The following MLC1 variants were observed in gnomAD, a reference collection of about 807,000 sequenced individuals.
MLC1 encodes the protein membrane protein MLC1.
Under a neutral mutation model 44.7 loss-of-function variants are expected in MLC1, and 32 were observed. The observed-to-expected ratio is 0.72, with a 90% CI of 0.54 to 0.96. MLC1 has a LOEUF of 0.96. Among genes scored for constraint, MLC1 ranks in the 40% least tolerant of loss-of-function variants. MLC1 has a pLI of 0.00. For synonymous variants in MLC1, 190 were observed against 213.0 expected, an observed-to-expected ratio of 0.89 and a Z score of 0.94; for missense variants, 459 against 492.2, an observed-to-expected ratio of 0.93 and a Z score of 0.64.
intron 5 of MLC1, among the ~76,000 whole-genome samples, chr22:50,077,903 C>T (rs919626672): frequency 6.6e-6 from 1 of 152,088 alleles, no homozygotes; most frequent in African/African-American, 2.4e-5. Context: ...ACTGCAGGCC[C>T]TGACCGTATT....
At chr22:50,085,057 C>A (rs2062248036) in intron 1 of MLC1, 96 bp from the exon 2 acceptor site, 3 of 1,459,084 alleles carry the variant, frequency 2.1e-6, no homozygotes, top group Non-Finnish European at 2.7e-6. Context: ...ATTGTTCATA[C>A]TGAAGTGCTC....
intron 9 of MLC1, among the ~76,000 whole-genome samples, chr22:50,070,223 C>T (rs111498796): frequency 6.6e-6 from 1 of 152,086 alleles, no homozygotes; most frequent in African/African-American, 2.4e-5. Context: ...AAAAAACAAT[C>T]GACCAGCCTT....
chr22:50,078,173 G>A (rs2062029702), intron 5 of MLC1, among the ~76,000 whole-genome samples: 11 of 151,882 alleles, frequency 7.2e-5, no homozygotes, highest in Admixed American at 7.2e-4. Flanking sequence ...TGTATTTTTA[G>A]TAGAGAGGGG....
chr22:50,064,570 C>T (rs78212605), intron 10 of MLC1, among the ~76,000 whole-genome samples: 2,486 of 152,214 alleles, frequency 0.016, 34 homozygotes, highest in East Asian at 0.034. Context: ...AAGCGCTGAC[C>T]GTTCCGTGTC....
intron 11 of MLC1, among the ~76,000 whole-genome samples, chr22:50,062,452 C>T (rs2061591839): frequency 1.3e-5 from 2 of 152,246 alleles, no homozygotes; most frequent in African/African-American, 4.8e-5. Flanking sequence ...CAGGGACTGC[C>T]GTCCTAGCAG....
intron 7 of MLC1, chr22:50,074,681 G>A: frequency 2.8e-6 from 1 of 359,248 alleles, no homozygotes; most frequent in Non-Finnish European, 5.4e-6. Flanking sequence ...AGGCGGCGGT[G>A]CTCAGACCCT....
chr22:50,076,749 G>T, intron 7 of MLC1, 92 bp downstream of exon 7: 3 of 1,409,242 alleles, frequency 2.1e-6, no homozygotes, highest in Non-Finnish European at 3.0e-6. Flanking sequence ...CCAACTCTTC[G>T]CCAACTCGGA....
At chr22:50,079,497 T>C (rs1407957828) in intron 5 of MLC1, among the ~76,000 whole-genome samples, 1 of 138,452 alleles carries the variant, frequency 7.2e-6, no homozygotes, top group Non-Finnish European at 1.6e-5. Context: ...TTGGGATTTT[T>C]GTCTTTTTTT....
At chr22:50,063,404 C>T (rs1466753707) in intron 11 of MLC1, among the ~76,000 whole-genome samples, 4 of 142,566 alleles carry the variant, frequency 2.8e-5, no homozygotes, top group East Asian at 2.1e-4. Flanking sequence ...ACCCAGGAGG[C>T]GGAGGTTGTG....
chr22:50,081,412 C>A (rs1304220466), intron 3 of MLC1, among the ~76,000 whole-genome samples: 1 of 152,224 alleles, frequency 6.6e-6, no homozygotes, highest in Non-Finnish European at 1.5e-5. Flanking sequence ...CAAGACTCTG[C>A]ATGTGAGGGA....
chr22:50,084,622 G>T, intron 2 of MLC1, 104 bp downstream of exon 2: 2 of 1,249,530 alleles, frequency 1.6e-6, no homozygotes, highest in Non-Finnish European at 2.3e-6. Flanking sequence ...GTTAGTCTGA[G>T]AGTTGCTCTC....
intron 6 of MLC1, 152 bp downstream of exon 6, chr22:50,077,249 G>C (rs1029602854): frequency 2.6e-6 from 2 of 760,842 alleles, no homozygotes; most frequent in African/African-American, 1.7e-5. Context: ...CCTCCTGGCC[G>C]GGGTTTCTGA....
chr22:50,075,400 C>G (rs1018736324), intron 7 of MLC1, among the ~76,000 whole-genome samples: 1 of 152,190 alleles, frequency 6.6e-6, no homozygotes, highest in Non-Finnish European at 1.5e-5. Flanking sequence ...AGGCACAAAA[C>G]TCCAGATGCA....
At position 50,059,527 on chromosome 22, in the gene MLC1, A is replaced by G. The variant is rs893933937; in HGVS notation, c.*2056T>C. 1 of 152,368 alleles carries G rather than the reference A, an allele frequency of 6.6e-6. No individual in the cohort carries two copies. The highest frequency in any genetic ancestry group is 2.4e-5 in the African/African-American group (1 of 41,454). 9.4% of individuals were successfully genotyped at this position (152,368 alleles called of 1,614,324 possible). On this transcript the variant is annotated 3_prime_UTR_variant, in exon 12 of 12. Transcript: ENST00000311597. ...AGAAAATAAGAAAGTGCAAGCCAGCAAAAACGCTCCAAGTGCCTAATTCTG... is the reference window on the plus strand; with the variant it reads ...AGAAAATAAGAAAGTGCAAGCCAGCGAAAACGCTCCAAGTGCCTAATTCTG...
chr22:50,084,672 C>T (rs145633396), intron 2 of MLC1, 54 bp downstream of exon 2: 17 of 1,596,304 alleles, frequency 1.1e-5, no homozygotes, highest in Admixed American at 1.7e-5. Flanking sequence ...CAGTCCGTCA[C>T]CAGAGGGACC....
At chr22:50,062,907 T>C (rs1376484667) in intron 11 of MLC1, among the ~76,000 whole-genome samples, 2 of 152,112 alleles carry the variant, frequency 1.3e-5, no homozygotes, top group Non-Finnish European at 2.9e-5. Context: ...AGCAAGACAG[T>C]AGGCAGGGCC....
chr22:50,063,884 TGC>T, intron 11 of MLC1, 148 bp downstream of exon 11: 1 of 212,170 alleles, frequency 4.7e-6, no homozygotes, highest in Non-Finnish European at 6.5e-6. Context: ...CCCCTCCCCC[TGC>T]AGGCCACTCA....
Position 50,084,819 on chromosome 22 carries a change from A to G in MLC1, c.84T>C (p.Tyr28=), listed in dbSNP as rs2146944793. Reference sequence around the variant, plus strand: ...GGTCGCTCGGCTTCGCGTCTGGGGCATAGCTGGCGGGGTCTTGCCGGCCCC... The same window carrying G: ...GGTCGCTCGGCTTCGCGTCTGGGGCGTAGCTGGCGGGGTCTTGCCGGCCCC... ...LERGRQDPAS[Y]APDAKPSDLQ... Residue 28 remains tyrosine, a synonymous_variant, in exon 2 of 12, where the codon TAT becomes TAC. Coordinates refer to ENST00000311597, the MANE Select transcript of MLC1 (RefSeq NM_015166.4). The G allele has an allele frequency of 1.9e-6, 3 of 1,613,950 alleles. No individual in the cohort carries two copies. Among genetic ancestry groups the G allele is most frequent in the South Asian group, 2.2e-5 (2 of 91,082 alleles).
At chr22:50,076,554 C>CAA (rs1262682508) in intron 7 of MLC1, among the ~76,000 whole-genome samples, 1 of 113,420 alleles carries the variant, frequency 8.8e-6, no homozygotes, top group Non-Finnish European at 1.9e-5. Flanking sequence ...GACTCCGTCT[C>CAA]AAAAAAAAAA....
Sources: gnomAD v4.1 joint callset for allele counts (sites outside exome capture counted in the v4.1 genomes callset) on GRCh38, gnomAD v4.1.1 for gene constraint, MANE v1.5 for transcripts, NCBI Gene and HGNC (gene_info 2026-07-23, HGNC 2026-07-21) for gene names.